Variants in ABHD2 observed in about 807,000 individuals in gnomAD.
The protein encoded by ABHD2 is abhydrolase domain containing 2, acylglycerol lipase.
Under a neutral mutation model 48.1 loss-of-function variants are expected in ABHD2, and 20 were observed. That is an observed-to-expected ratio of 0.42 (90% confidence interval 0.29 to 0.60). The LOEUF is 0.60. ABHD2 is among the 20% of genes least tolerant of loss of function. ABHD2 has a pLI of 0.24. For synonymous variants in ABHD2, 209 were observed against 214.2 expected (o/e 0.98, Z 0.21); for missense variants, 405 against 550.9 (o/e 0.74, Z 2.65).
Position 89,100,586 on chromosome 15 carries a change from T to C in ABHD2, c.-107+12023T>C, listed in dbSNP as rs1184308389. On this transcript the variant is annotated intron_variant, in intron 1 of 10. Transcript: ENST00000352732. The surrounding 1 kb of genome is among the most constrained non-coding windows in gnomAD (Gnocchi z 4.4). ...CCTTAGATGTTAAAAAGGAACCTTA[T>C]TGGCCAGGCAAAGTGGCTCACGCCT... Among the ~76,000 whole-genome samples, 1 of 152,218 alleles carries C rather than the reference T, an allele frequency of 6.6e-6. No individual in the cohort carries two copies. Among genetic ancestry groups the C allele is most frequent in the African/African-American group, 2.4e-5 (1 of 41,454 alleles).
chr15:89,137,478 T>C lies in ABHD2; in HGVS notation c.195-14199T>C, dbSNP rs7175076. On this transcript the variant is annotated intron_variant, in intron 3 of 10. Transcript: ENST00000352732. This position sits in a 1 kb window ranked among gnomAD's most constrained non-coding sequence, Gnocchi z 4.8. ...CATTCATATTTTATAGTTTGCACGA[T>C]ATGCACAAAGGTCACAGATGTACCA... is the stretch of plus-strand genomic sequence containing the variant. 4.2e-3 allele frequency among the ~76,000 whole-genome samples: 638 copies of C among 152,340 alleles called. 3 individuals are homozygous for C. Among genetic ancestry groups the C allele is most frequent in the African/African-American group, 0.015 (618 of 41,576 alleles).
Position 89,175,411 on chromosome 15 carries a change from C to T in ABHD2, c.539-401C>T, listed in dbSNP as rs1279900692. On this transcript the variant is annotated intron_variant, in intron 5 of 10. Coordinates refer to ENST00000352732, the MANE Select transcript of ABHD2 (RefSeq NM_152924.5). This position sits in a 1 kb window ranked among gnomAD's most constrained non-coding sequence, Gnocchi z 5.7. ...TAGAGGTGGGGTCTCACCATTTTGT[C>T]CAGGCTGGCCTAGCTTTTATTTAGG... Among the ~76,000 whole-genome samples, 1 of 152,028 alleles carries T rather than the reference C, an allele frequency of 6.6e-6. No homozygotes were observed. Among genetic ancestry groups the T allele is most frequent in the African/African-American group, 2.4e-5 (1 of 41,378 alleles).
At chr15:89,140,192 C>CA (rs1159034421) in intron 3 of ABHD2, among the ~76,000 whole-genome samples, 1 of 152,192 alleles carries the variant, frequency 6.6e-6, no homozygotes, top group African/African-American at 2.4e-5. Context: ...GGCTTCCACT[C>CA]ACGTGCTATG....
intron 3 of ABHD2, among the ~76,000 whole-genome samples, chr15:89,126,984 A>AG (rs111748040): frequency 0.043 from 6,582 of 152,292 alleles, 461 homozygotes; most frequent in African/African-American, 0.14. Flanking sequence ...TAACTAATAC[A>AG]GAAGGCTGTA....
At chr15:89,057,171 C>T in the ABHD2 span, among the ~76,000 whole-genome samples, 2 of 152,130 alleles carry the variant, frequency 1.3e-5, no homozygotes, top group Non-Finnish European at 2.9e-5. Flanking sequence ...GCGTCAGCCT[C>T]CCAAAGTGCT....
At chr15:89,047,132 T>C in the ABHD2 span, among the ~76,000 whole-genome samples, 1 of 152,042 alleles carries the variant, frequency 6.6e-6, no homozygotes, top group Non-Finnish European at 1.5e-5. Flanking sequence ...ACATCTTTAT[T>C]TCTGCCTTCA....
At chr15:89,161,550 G>A (rs2050762182) in intron 5 of ABHD2, among the ~76,000 whole-genome samples, 3 of 152,024 alleles carry the variant, frequency 2.0e-5, no homozygotes, top group East Asian at 1.9e-4. Flanking sequence ...ATAAGCACCC[G>A]CCACCACACC....
chr15:89,143,104 G>A (rs559550907), intron 3 of ABHD2, among the ~76,000 whole-genome samples: 4 of 151,258 alleles, frequency 2.6e-5, no homozygotes, highest in South Asian at 2.1e-4. Context: ...TTTTTTGTCC[G>A]TGTCATATAT....
At chr15:89,124,781 G>A (rs934213530) in intron 3 of ABHD2, among the ~76,000 whole-genome samples, 6 of 152,004 alleles carry the variant, frequency 3.9e-5, no homozygotes, top group African/African-American at 7.2e-5. Context: ...GTGAAACCCC[G>A]TTTCTACTAA....
intron 5 of ABHD2, among the ~76,000 whole-genome samples, chr15:89,170,414 C>T (rs1345832662): frequency 6.6e-6 from 1 of 151,984 alleles, no homozygotes; most frequent in Non-Finnish European, 1.5e-5. Flanking sequence ...TCCTTTTTCA[C>T]CACAGTGTAG....
rs1447445865 is a variant in ABHD2, at chr15:89,177,312, A to G, written c.722+1317A>G. ...GCCACTGTTCATTTTCATTATCGTC[A>G]TCATCGTCATTCACTGTAAAATGAA... On this transcript the variant is annotated intron_variant, in intron 6 of 10. Transcript: ENST00000352732. The surrounding 1 kb of genome is among the most constrained non-coding windows in gnomAD (Gnocchi z 5.6). Among the ~76,000 whole-genome samples, 1 of 152,242 alleles carries G rather than the reference A, an allele frequency of 6.6e-6. No homozygotes were observed. Among genetic ancestry groups the G allele is most frequent in the East Asian group, 1.9e-4 (1 of 5,198 alleles).
At chr15:89,121,591 G>T (rs566566604) in intron 3 of ABHD2, among the ~76,000 whole-genome samples, 1 of 152,022 alleles carries the variant, frequency 6.6e-6, no homozygotes, top group African/African-American at 2.4e-5. Flanking sequence ...GTTTACAAAA[G>T]TGTACTATGA....
the ABHD2 span, among the ~76,000 whole-genome samples, chr15:89,045,911 T>C: frequency 0.019 from 2,820 of 152,296 alleles, 64 homozygotes; most frequent in African/African-American, 0.064. Flanking sequence ...CTGATTGCCC[T>C]GGCCAGAACT....
At chr15:89,105,948 C>G (rs1353962613) in intron 1 of ABHD2, among the ~76,000 whole-genome samples, 3 of 152,100 alleles carry the variant, frequency 2.0e-5, no homozygotes, top group Non-Finnish European at 4.4e-5. Context: ...GCAATCCACC[C>G]TCCTTGGCCT....
chr15:89,152,716 C>G (rs1280206830), intron 4 of ABHD2, among the ~76,000 whole-genome samples: 1 of 152,160 alleles, frequency 6.6e-6, no homozygotes, highest in Non-Finnish European at 1.5e-5. Context: ...TCATATCTAT[C>G]ATGCAGTGGT....
chr15:89,183,939 C>T (rs1262544011), intron 6 of ABHD2, among the ~76,000 whole-genome samples: 3 of 152,072 alleles, frequency 2.0e-5, no homozygotes, highest in South Asian at 4.2e-4. Context: ...TTGGGTGACC[C>T]CCTTCCCTCT....
chr15:89,068,845 T>G, the ABHD2 span, among the ~76,000 whole-genome samples: 2 of 129,192 alleles, frequency 1.5e-5, no homozygotes, highest in African/African-American at 5.7e-5. Flanking sequence ...CTTAGCTCAC[T>G]GCAACCTCCA....
At chr15:89,191,236 G>A (rs1411867335) in intron 9 of ABHD2, 87 bp downstream of exon 9, 2 of 1,347,522 alleles carry the variant, frequency 1.5e-6, no homozygotes, top group Non-Finnish European at 2.1e-6. Context: ...AATTTTCCTG[G>A]TGGAAGCTCA....
rs928107219 is a variant in ABHD2 at position 89,106,536 on chromosome 15, A to G, written c.-106-7189A>G. ...CTATGTTCTGAGGCTCTCCCATCCC[A>G]TGGCAGTGAAAGACTCAGAGGACAC... is the stretch of plus-strand genomic sequence containing the variant. On this transcript the variant is annotated intron_variant, in intron 1 of 10. Transcript: ENST00000352732. The surrounding 1 kb of genome is among the most constrained non-coding windows in gnomAD (Gnocchi z 4.2). 6.6e-6 allele frequency: 1 copy of G among 152,128 alleles called. No homozygotes were observed. Among genetic ancestry groups the G allele is most frequent in the African/African-American group, 2.4e-5 (1 of 41,386 alleles). The allele number at this position is 152,128 out of a possible 1,614,324, so 9.4% of individuals were successfully genotyped here.
Sources: gnomAD v4.1 joint callset for allele counts (sites outside exome capture counted in the v4.1 genomes callset) on GRCh38, gnomAD v4.1.1 for gene constraint, Gnocchi (gnomAD v3.1) non-coding constraint, MANE v1.5 for transcripts, NCBI Gene and HGNC (gene_info 2026-07-23, HGNC 2026-07-21) for gene names.